ZNF862: variants seen among roughly 807,000 people sequenced by gnomAD.
ZNF862 encodes zinc finger protein 862.
A neutral mutation model predicts 91.1 loss-of-function variants in ZNF862; 64 were observed. The observed-to-expected ratio is 0.70, with a 90% CI of 0.57 to 0.87. The LOEUF (loss-of-function observed/expected upper bound fraction) is 0.87, where lower values mean the gene tolerates loss of function less well. ZNF862 is among the 40% of genes least tolerant of loss of function. The pLI is 0.00. For synonymous variants in ZNF862, 631 were observed against 618.1 expected (o/e 1.02, Z -0.31); for missense variants, 1,459 against 1,528.0 (o/e 0.95, Z 0.75).
chr7:149,864,421 C>A lies in ZNF862; in HGVS notation c.*137C>A. ...CACCAGGAAGTGGGCAGTGGCATCC[C>A]AGAGCAGCAGGGGTATCAGGAGGTG... On this transcript the variant is annotated 3_prime_UTR_variant, in exon 8 of 8. Coordinates refer to ENST00000223210, the MANE Select transcript of ZNF862 (RefSeq NM_001099220.3). 1 of 867,810 alleles carries A rather than the reference C, an allele frequency of 1.2e-6. No homozygotes were observed. The highest frequency in any genetic ancestry group is 1.7e-6 in the Non-Finnish European group (1 of 578,562). The allele number at this position is 867,810 out of a possible 1,614,324, so 53.8% of individuals were successfully genotyped here. A position where few individuals can be genotyped will look rare whatever the true frequency, so the allele number is the denominator to read the frequency against.
At chr7:149,841,162 C>G (rs1188167785) in intron 1 of ZNF862, 2 of 985,266 alleles carry the variant, frequency 2.0e-6, no homozygotes, top group African/African-American at 1.7e-5. Context: ...AAATGAGTGA[C>G]AAGGAATAGC....
intron 1 of ZNF862, among the ~76,000 whole-genome samples, chr7:149,844,298 T>C (rs760748080): frequency 4.6e-5 from 7 of 152,218 alleles, no homozygotes; most frequent in Admixed American, 1.3e-4. Flanking sequence ...CATGAAAGAA[T>C]GTGCCCTAAG....
chr7:149,847,563 A>G (rs1586046340), intron 3 of ZNF862, among the ~76,000 whole-genome samples, 172 bp from the exon 4 acceptor site: 1 of 151,350 alleles, frequency 6.6e-6, no homozygotes, highest in East Asian at 2.0e-4. Flanking sequence ...AAGGGCCTGC[A>G]GACTTGGCCA....
At chr7:149,842,511 C>G (rs1801740869) in intron 1 of ZNF862, among the ~76,000 whole-genome samples, 1 of 152,214 alleles carries the variant, frequency 6.6e-6, no homozygotes, top group African/African-American at 2.4e-5. Context: ...TCAGAAGGCT[C>G]TTGCTATAAT....
chr7:149,861,591 C>A lies in ZNF862; in HGVS notation c.2431C>A (p.Leu811Ile). 1 of 1,598,454 alleles carries A rather than the reference C, an allele frequency of 6.3e-7. No homozygotes were observed. Among genetic ancestry groups the A allele is most frequent in the East Asian group, 2.3e-5 (1 of 44,268 alleles). The part of the protein sequence containing the change: ...LVSWPALARH[L>I]QRVAEAGGQI... ...GAGCTGGCCCGCCCTGGCCAGGCAC[C>A]TCCAGAGGGTGGCAGAGGCTGGGGG... The change falls in exon 7 of 8, where the codon CTC becomes ATC. Residue 811 changes from leucine to isoleucine, a missense_variant. Transcript: ENST00000223210. The surrounding 1 kb of genome is among the most constrained non-coding windows in gnomAD (Gnocchi z 6.7).
chr7:149,848,026 T>C lies in ZNF862; in HGVS notation c.533T>C (p.Ile178Thr), dbSNP rs3735328. 2.4e-3 allele frequency: 3,826 copies of C among 1,613,860 alleles called. 112 individuals carry two copies. The East Asian group carries it at 0.067, about 28-fold the overall frequency. Residue 178 changes from isoleucine (I) to threonine (T), a missense_variant, in exon 4 of 8, where the codon ATA (isoleucine) becomes ACA (threonine). Coordinates refer to ENST00000223210, the MANE Select transcript of ZNF862 (RefSeq NM_001099220.3). ...PSIRDKRSRLIEGYTGPFKVE... is the reference protein window; with the variant it reads ...PSIRDKRSRLTEGYTGPFKVE... The stretch of plus-strand genomic sequence containing the variant: ...ATCAGGGACAAACGGTCAAGACTAA[T>C]AGAAGGTTATACAGGACCATTCAAG...
At position 149,860,441 on chromosome 7, in the gene ZNF862, C is replaced by T. The variant is rs369997344; in HGVS notation, c.1281C>T (p.Ser427=). Residue 427 remains serine, a synonymous_variant, in exon 7 of 8, where the codon TCC becomes TCT. Transcript: ENST00000223210. ...ACACACAGGCCTCGGCTGCAGACTCCGCGTTGCTTCCAGGCTCTCCCGTGG... is the reference window on the plus strand; with the variant it reads ...ACACACAGGCCTCGGCTGCAGACTCTGCGTTGCTTCCAGGCTCTCCCGTGG... ...EADTQASAAD[S]ALLPGSPVEA... is the part of the protein sequence containing the mutation. 2.5e-5 allele frequency: 40 copies of T among 1,613,886 alleles called. No individual in the cohort carries two copies. In the Middle Eastern group the frequency reaches 4.9e-4, roughly 20 times the overall value.
At chr7:149,853,563 G>T (rs1454553586) in intron 5 of ZNF862, among the ~76,000 whole-genome samples, 1 of 152,206 alleles carries the variant, frequency 6.6e-6, no homozygotes, top group Non-Finnish European at 1.5e-5. Flanking sequence ...GCAGTCAAAG[G>T]TGGACAGTAC....
At chr7:149,860,287 T>A (rs1447988041) in intron 6 of ZNF862, 96 bp from the exon 7 acceptor site, 1 of 1,122,668 alleles carries the variant, frequency 8.9e-7, no homozygotes, top group Non-Finnish European at 1.3e-6. Flanking sequence ...TCTGCCTTGC[T>A]TAAGGGATAC....
At chr7:149,844,879 G>C in intron 2 of ZNF862, 143 bp downstream of exon 2, 2 of 616,002 alleles carry the variant, frequency 3.2e-6, no homozygotes, top group South Asian at 3.9e-5. Flanking sequence ...GCTCGATCCC[G>C]TATCTACCTT....
chr7:149,852,975 C>A (rs1293944323), intron 5 of ZNF862, among the ~76,000 whole-genome samples: 1 of 152,178 alleles, frequency 6.6e-6, no homozygotes, highest in Non-Finnish European at 1.5e-5. Context: ...AGAAGATGAG[C>A]AGGGGAGTTC....
At chr7:149,857,443 T>C (rs778426679) in intron 5 of ZNF862, among the ~76,000 whole-genome samples, 100 of 152,156 alleles carry the variant, frequency 6.6e-4, no homozygotes, top group Non-Finnish European at 1.3e-3. Context: ...CTTTCATGAA[T>C]GGCTATCATG....
Position 149,853,970 on chromosome 7 carries a change from C to G in ZNF862, c.1117+3632C>G, listed in dbSNP as rs919985823. Among the ~76,000 whole-genome samples the G allele has an allele frequency of 2.0e-5, 3 of 152,170 alleles. No individual in the cohort carries two copies. The East Asian group carries it at 5.8e-4, about 29-fold the overall frequency. On this transcript the variant is annotated intron_variant, in intron 5 of 7. Transcript: ENST00000223210. Reference sequence around the variant, plus strand: ...AAAAAAAAAGAAAAATGACAGTCCCCTGTCCCACCTTTCTCTTTTACAAAG... The same window carrying G: ...AAAAAAAAAGAAAAATGACAGTCCCGTGTCCCACCTTTCTCTTTTACAAAG...
rs10259409 is a variant in ZNF862, at chr7:149,855,366, G to C, written c.1118-4056G>C. Among the ~76,000 whole-genome samples, 7,497 of 152,226 alleles carry C rather than the reference G, an allele frequency of 0.049. 615 individuals are homozygous for C. The highest frequency in any genetic ancestry group is 0.17 in the African/African-American group (7,060 of 41,490). ...GGACTTCATTTAACACTCAATTCTT[G>C]CCTTTCCCTCCTCAACCTGCTGCGG... On this transcript the variant is annotated intron_variant, in intron 5 of 7. Transcript: ENST00000223210. The surrounding 1 kb of genome is among the most constrained non-coding windows in gnomAD (Gnocchi z 4.1).
chr7:149,863,689 C>T (rs566599752), intron 7 of ZNF862, among the ~76,000 whole-genome samples: 15 of 152,306 alleles, frequency 9.8e-5, no homozygotes, highest in African/African-American at 2.9e-4. Context: ...TGCCAAACTA[C>T]GCACCGCTGC....
chr7:149,858,215 C>T lies in ZNF862; in HGVS notation c.1118-1207C>T, dbSNP rs184353891. 2.1e-3 allele frequency among the ~76,000 whole-genome samples: 319 copies of T among 152,286 alleles called. 1 individual carries two copies. The highest frequency in any genetic ancestry group is 7.3e-3 in the African/African-American group (302 of 41,546). ...TTGCTTCTCCTTGTTAACCCCTCTG[C>T]AGGCATTTGGTGTTCAGCTCTGTTT... On this transcript the variant is annotated intron_variant, in intron 5 of 7. Coordinates refer to ENST00000223210, the MANE Select transcript of ZNF862 (RefSeq NM_001099220.3).
chr7:149,862,192 A>G lies in ZNF862; in HGVS notation c.3032A>G (p.Asn1011Ser). The change falls in exon 7 of 8, where the codon AAC (asparagine) becomes AGC (serine). Residue 1011 changes from asparagine (N) to serine (S), a missense_variant. By Grantham distance (46) the Asn-to-Ser change is conservative (BLOSUM62 1). Coordinates refer to ENST00000223210, the MANE Select transcript of ZNF862 (RefSeq NM_001099220.3). ...CTCCCGTTCTCCATGCTCTGCAAAA[A>G]CGCCCTGGCCCAGCACTGCCGCTTC... ...QHLPFSMLCK[N>S]ALAQHCRFPL... The G allele has an allele frequency of 6.2e-7, 1 of 1,612,986 alleles. No individual in the cohort carries two copies. The highest frequency in any genetic ancestry group is 8.5e-7 in the Non-Finnish European group (1 of 1,179,730).
At chr7:149,838,771 C>G in intron 1 of ZNF862, 136 bp downstream of exon 1, 1 of 558,820 alleles carries the variant, frequency 1.8e-6, no homozygotes, top group Non-Finnish European at 2.7e-6. Context: ...GGCCCGCCCT[C>G]TCTTCCCGCA....
intron 5 of ZNF862, 102 bp from the exon 6 acceptor site, chr7:149,859,320 C>A: frequency 9.1e-7 from 1 of 1,093,202 alleles, no homozygotes; most frequent in Non-Finnish European, 1.4e-6. Flanking sequence ...GGACAGAACC[C>A]AGAGACACCT....
Sources: gnomAD v4.1 joint callset for allele counts (sites outside exome capture counted in the v4.1 genomes callset) on GRCh38, gnomAD v4.1.1 for gene constraint, Gnocchi (gnomAD v3.1) non-coding constraint, MANE v1.5 for transcripts, NCBI Gene and HGNC (gene_info 2026-07-23, HGNC 2026-07-21) for gene names.